The following PCDHGA5 variants were observed in gnomAD, a reference collection of about 807,000 sequenced individuals.
PCDHGA5 encodes the protein protocadherin gamma subfamily A, 5.
A neutral mutation model predicts 56.7 loss-of-function variants in PCDHGA5; 36 were observed. The ratio of observed to expected loss-of-function variants is 0.64; its 90% CI spans 0.49 to 0.84. The LOEUF is 0.84. PCDHGA5 is among the 40% of genes least tolerant of loss of function. The pLI, the probability that PCDHGA5 is intolerant of heterozygous loss-of-function variation, is 0.00. For synonymous variants in PCDHGA5, 563 were observed against 520.2 expected (o/e 1.08, Z -1.12); for missense variants, 1,305 against 1,201.5 (o/e 1.09, Z -1.27).
Position 141,375,441 on chromosome 5 carries a change from C to T in PCDHGA5, c.2421+8690C>T, listed in dbSNP as rs904228732. 4.3e-6 allele frequency: 7 copies of T among 1,613,912 alleles called. No individual in the cohort carries two copies. The highest frequency in any genetic ancestry group is 1.7e-5 in the Admixed American group (1 of 60,012). ...ACCAACGACAACCCGCCCACCTTCC[C>T]CCATTCATCCTACTCAGTCTATGTC... is the stretch of plus-strand genomic sequence containing the variant. On this transcript the variant is annotated intron_variant, in intron 1 of 3. Transcript: ENST00000518069.
intron 1 of PCDHGA5, chr5:141,422,964 G>A: frequency 1.2e-6 from 2 of 1,614,190 alleles, no homozygotes; most frequent in Non-Finnish European, 1.7e-6. Flanking sequence ...TGGAGCTGGC[G>A]CCCCGCTCTG....
chr5:141,403,007 C>T (rs774624797), intron 1 of PCDHGA5: 10 of 1,613,940 alleles, frequency 6.2e-6, no homozygotes, highest in Non-Finnish European at 8.5e-6. Context: ...GCTATGCTCG[C>T]TCCTGGGGAT....
chr5:141,375,314 G>A, intron 1 of PCDHGA5: 1 of 1,613,798 alleles, frequency 6.2e-7, no homozygotes, highest in South Asian at 1.1e-5. Flanking sequence ...TGCAGCTCTA[G>A]ACCGGGAAGA....
chr5:141,415,953 T>C, intron 1 of PCDHGA5: 3 of 486,080 alleles, frequency 6.2e-6, no homozygotes, highest in Non-Finnish European at 9.4e-6. Context: ...TGGTCACATA[T>C]TGAAACTCCA....
intron 2 of PCDHGA5, among the ~76,000 whole-genome samples, chr5:141,498,848 G>T (rs930895553): frequency 6.6e-6 from 1 of 151,908 alleles, no homozygotes; most frequent in African/African-American, 2.4e-5. Context: ...CAGGGGAATC[G>T]CTTGAACCCA....
chr5:141,418,897 A>T, intron 1 of PCDHGA5: 1 of 1,613,980 alleles, frequency 6.2e-7, no homozygotes, highest in Non-Finnish European at 8.5e-7. Flanking sequence ...ACAGCCCAGA[A>T]ATAATCATCA....
At chr5:141,370,580 T>C (rs1289069128) in intron 1 of PCDHGA5, 1 of 1,613,918 alleles carries the variant, frequency 6.2e-7, no homozygotes, top group Non-Finnish European at 8.5e-7. Context: ...GGGATTTACC[T>C]ACTAGGAACC....
rs1309716907 is a variant in PCDHGA5 at position 141,365,012 on chromosome 5, A to G, written c.682A>G (p.Ile228Val). 1.2e-6 allele frequency: 2 copies of G among 1,613,794 alleles called. No homozygotes were observed. The highest frequency in any genetic ancestry group is 2.7e-5 in the African/African-American group (2 of 74,926). The change falls in exon 1 of 4, where the codon ATC (isoleucine) becomes GTC (valine). Residue 228 changes from isoleucine (I) to valine (V), a missense_variant. By Grantham distance (29) the Ile-to-Val change is conservative (BLOSUM62 3). Transcript: ENST00000518069. ...GDPVLSGTTH[I>V]RVTVLDANDN... ...CCCGGTACTCTCCGGCACCACGCAC[A>G]TCCGTGTTACGGTCCTCGACGCAAA...
At chr5:141,387,000 C>T (rs1211654185) in intron 1 of PCDHGA5, among the ~76,000 whole-genome samples, 7 of 152,118 alleles carry the variant, frequency 4.6e-5, no homozygotes, top group African/African-American at 1.7e-4. Flanking sequence ...TATTATCCCC[C>T]TGATAACTTT....
intron 1 of PCDHGA5, chr5:141,421,577 T>C (rs1385519860): frequency 1.4e-5 from 22 of 1,613,748 alleles, no homozygotes; most frequent in Non-Finnish European, 1.5e-5. Context: ...ACCTTGAAGA[T>C]TTACGGAGTG....
intron 1 of PCDHGA5, among the ~76,000 whole-genome samples, chr5:141,451,072 C>A (rs2098705989): frequency 6.6e-6 from 1 of 152,026 alleles, no homozygotes; most frequent in African/African-American, 2.4e-5. Context: ...TTGTGATCCA[C>A]CCACCTTGAC....
intron 1 of PCDHGA5, among the ~76,000 whole-genome samples, chr5:141,458,758 G>T (rs1473104567): frequency 1.3e-5 from 2 of 150,844 alleles, no homozygotes; most frequent in Non-Finnish European, 3.0e-5. Context: ...TTTGAGACAG[G>T]GTCTTGCTGT....
Position 141,365,613 on chromosome 5 carries a change from G to T in PCDHGA5, c.1283G>T (p.Gly428Val). 1 of 1,613,548 alleles carries T rather than the reference G, an allele frequency of 6.2e-7. No individual in the cohort carries two copies. Among genetic ancestry groups the T allele is most frequent in the East Asian group, 2.2e-5 (1 of 44,870 alleles). Residue 428 changes from glycine to valine, a missense_variant, in exon 1 of 4, where the codon GGA becomes GTA. Physicochemically the swap from Gly to Val is moderately radical, Grantham distance 109 (BLOSUM62 -3). Coordinates refer to ENST00000518069, the MANE Select transcript of PCDHGA5 (RefSeq NM_018918.3). ...ATCACTTTAACCGTCATGGACCATG[G>T]AACCCCGCCCCTCTCTACAGAAAGC... is the stretch of plus-strand genomic sequence containing the variant. ...YNITLTVMDH[G>V]TPPLSTESHI... is the part of the protein sequence containing the mutation.
chr5:141,432,793 C>T lies in PCDHGA5; in HGVS notation c.2422-62014C>T. 6.2e-7 allele frequency: 1 copy of T among 1,614,150 alleles called. No individual in the cohort carries two copies. Among genetic ancestry groups the T allele is most frequent in the Admixed American group, 1.7e-5 (1 of 60,032 alleles). ...AAGTCCTGGCGGACCTCGGCAGCCT[C>T]GAGTCTCCAGCTAACTCTGAAACCT... On this transcript the variant is annotated intron_variant, in intron 1 of 3. Transcript: ENST00000518069. The surrounding 1 kb of genome is among the most constrained non-coding windows in gnomAD (Gnocchi z 6.0).
intron 1 of PCDHGA5, chr5:141,371,386 G>GT: frequency 6.2e-7 from 1 of 1,614,006 alleles, no homozygotes; most frequent in Non-Finnish European, 8.5e-7. Context: ...ACTGCATATT[G>GT]TAAAGTACAG....
chr5:141,417,732 C>T (rs2096153715), intron 1 of PCDHGA5: 4 of 1,390,342 alleles, frequency 2.9e-6, no homozygotes, highest in Admixed American at 2.8e-5. Context: ...AGACCTTGCC[C>T]AGCACACCAG....
intron 1 of PCDHGA5, chr5:141,372,365 C>G: frequency 6.2e-7 from 1 of 1,613,966 alleles, no homozygotes; most frequent in South Asian, 1.1e-5. Flanking sequence ...TTTCAGCCAC[C>G]GTCATGCTGC....
intron 1 of PCDHGA5, chr5:141,423,477 C>T (rs376147466): frequency 1.5e-5 from 24 of 1,613,872 alleles, no homozygotes; most frequent in Non-Finnish European, 1.9e-5. Flanking sequence ...TACAGGCTTT[C>T]CTGCAAACCT....
chr5:141,365,149 A>G lies in PCDHGA5; in HGVS notation c.819A>G (p.Ile273Met). The change falls in exon 1 of 4, where the codon ATA becomes ATG. Residue 273 changes from isoleucine to methionine, a missense_variant. By Grantham distance (10) the Ile-to-Met change is conservative. Transcript: ENST00000518069. ...CCGCCACGGATCCAGATGAGGGAAT[A>G]AACGGGAAATTGACCTACTCTTTTC... Reference protein sequence around the residue: ...MLTATDPDEGINGKLTYSFRN... With the variant: ...MLTATDPDEGMNGKLTYSFRN... 6.2e-7 allele frequency: 1 copy of G among 1,613,978 alleles called. No homozygotes were observed. The highest frequency in any genetic ancestry group is 1.1e-5 in the South Asian group (1 of 91,090).
Sources: gnomAD v4.1 joint callset for allele counts (sites outside exome capture counted in the v4.1 genomes callset) on GRCh38, gnomAD v4.1.1 for gene constraint, Gnocchi (gnomAD v3.1) non-coding constraint, MANE v1.5 for transcripts, NCBI Gene and HGNC (gene_info 2026-07-23, HGNC 2026-07-21) for gene names.